Variants in FARP1 observed in about 807,000 individuals in gnomAD.
FARP1 encodes FERM, ARH/RhoGEF and pleckstrin domain protein 1, also known as FERM, ARHGEF and pleckstrin domain-containing protein 1.
A neutral mutation model predicts 128.8 loss-of-function variants in FARP1; 52 were observed. The ratio of observed to expected loss-of-function variants is 0.40; its 90% CI spans 0.32 to 0.51. The LOEUF (loss-of-function observed/expected upper bound fraction) is 0.51. Among genes scored for constraint, FARP1 ranks in the 20% least tolerant of loss-of-function variants. FARP1 has a pLI of 0.45. For synonymous variants in FARP1, 580 were observed against 551.8 expected, an observed-to-expected ratio of 1.05 and a Z score of -0.72; for missense variants, 1,333 against 1,367.9, an observed-to-expected ratio of 0.97 and a Z score of 0.40.
chr13:98,371,789 G>T (rs1889342957), intron 5 of FARP1, among the ~76,000 whole-genome samples: 1 of 152,218 alleles, frequency 6.6e-6, no homozygotes, highest in Admixed American at 6.5e-5. Flanking sequence ...AAGTGGGACA[G>T]ACGGAGAAAC....
intron 5 of FARP1, among the ~76,000 whole-genome samples, chr13:98,374,270 A>G (rs968339875): frequency 4.6e-5 from 7 of 152,162 alleles, no homozygotes; most frequent in African/African-American, 1.4e-4. Flanking sequence ...AAAAAATTTT[A>G]AAAATTAGCT....
intron 13 of FARP1, chr13:98,396,734 A>G: frequency 2.7e-6 from 1 of 364,324 alleles, no homozygotes; most frequent in Non-Finnish European, 4.9e-6. Flanking sequence ...CCTAATGACA[A>G]GTTCTCAGGA....
chr13:98,179,838 C>T (rs543622005), intron 1 of FARP1, among the ~76,000 whole-genome samples: 34 of 152,088 alleles, frequency 2.2e-4, no homozygotes, highest in African/African-American at 8.2e-4. Context: ...GCCTGGGTGA[C>T]TGAGCAAGAC....
In FARP1 at chr13:98,454,868, G is replaced by A. The variant is rs981389681; in HGVS notation, c.*6551G>A. 5 of 152,268 alleles carry A rather than the reference G, an allele frequency of 3.3e-5. No homozygotes were observed. The highest frequency in any genetic ancestry group is 1.2e-4 in the African/African-American group (5 of 41,442). 9.4% of individuals were successfully genotyped at this position (152,268 alleles called of 1,614,324 possible). ...GCTCATCTGAGGACAGAGGAGGAAAGAGGGCACTCCTCATCACAGACAAAG... is the reference window on the plus strand; with the variant it reads ...GCTCATCTGAGGACAGAGGAGGAAAAAGGGCACTCCTCATCACAGACAAAG... On this transcript the variant is annotated 3_prime_UTR_variant, in exon 27 of 27. Transcript: ENST00000319562.
chr13:98,286,984 A>T (rs1415951340), intron 2 of FARP1, among the ~76,000 whole-genome samples: 6 of 152,156 alleles, frequency 3.9e-5, no homozygotes, highest in Non-Finnish European at 7.3e-5. Flanking sequence ...CTGTTTATGT[A>T]GCATCGTACT....
chr13:98,205,691 C>A (rs1362903349), intron 1 of FARP1, among the ~76,000 whole-genome samples: 1 of 152,104 alleles, frequency 6.6e-6, no homozygotes, highest in Non-Finnish European at 1.5e-5. Context: ...CCGTGCCCAG[C>A]CAGTTCTCTG....
At chr13:98,323,154 C>T (rs584519) in intron 2 of FARP1, among the ~76,000 whole-genome samples, 40,330 of 152,050 alleles carry the variant, frequency 0.27, 5,710 homozygotes, top group Middle Eastern at 0.34. Flanking sequence ...TTGTTGCTTA[C>T]AATCCTTAAA....
At chr13:98,315,302 T>C (rs1331059156) in intron 2 of FARP1, among the ~76,000 whole-genome samples, 2 of 151,962 alleles carry the variant, frequency 1.3e-5, no homozygotes, top group Non-Finnish European at 2.9e-5. Context: ...GACAGAGATC[T>C]CACTATATTG....
intron 13 of FARP1, chr13:98,397,935 A>G (rs1890616931): frequency 1.4e-5 from 2 of 140,812 alleles, no homozygotes; most frequent in Non-Finnish European, 3.1e-5. Flanking sequence ...ATTGTAGAAT[A>G]AAATTTTTAG....
At chr13:98,424,493 G>A (rs1891705222) in intron 16 of FARP1, 79 bp from the exon 17 acceptor site, 2 of 885,336 alleles carry the variant, frequency 2.3e-6, no homozygotes, top group Non-Finnish European at 3.8e-6. Flanking sequence ...AAAGGAAGCG[G>A]TAGGCTGATA....
chr13:98,336,542 G>A (rs1196800467), intron 2 of FARP1, among the ~76,000 whole-genome samples: 1 of 152,190 alleles, frequency 6.6e-6, no homozygotes, highest in Non-Finnish European at 1.5e-5. Context: ...AAAGTGCTGG[G>A]ATTACAGGTG....
chr13:98,384,628 C>A, intron 6 of FARP1, 102 bp from the exon 7 acceptor site: 6 of 710,204 alleles, frequency 8.4e-6, no homozygotes, highest in Non-Finnish European at 1.5e-5. Context: ...ACTGGGCTCA[C>A]CTTATGTTGT....
chr13:98,266,210 C>G (rs1884107768), intron 2 of FARP1, among the ~76,000 whole-genome samples: 2 of 152,118 alleles, frequency 1.3e-5, no homozygotes, highest in Non-Finnish European at 2.9e-5. Context: ...CAATGGATTT[C>G]CAGCTCACAT....
At chr13:98,337,817 T>A (rs561898837) in intron 2 of FARP1, among the ~76,000 whole-genome samples, 1 of 152,310 alleles carries the variant, frequency 6.6e-6, no homozygotes, top group South Asian at 2.1e-4. Flanking sequence ...ATGCATAATT[T>A]GCCATTATTT....
chr13:98,158,059 T>C (rs1876615087), intron 1 of FARP1, among the ~76,000 whole-genome samples: 1 of 152,244 alleles, frequency 6.6e-6, no homozygotes, highest in South Asian at 2.1e-4. Context: ...ATTCTATGCA[T>C]GACATATATG....
At chr13:98,147,920 A>G (rs945740474) in intron 1 of FARP1, among the ~76,000 whole-genome samples, 3 of 152,182 alleles carry the variant, frequency 2.0e-5, no homozygotes, top group Admixed American at 1.3e-4. Context: ...AGTTTTTACC[A>G]TCCCTTCAAA....
At chr13:98,335,956 C>T (rs1566892165) in intron 2 of FARP1, among the ~76,000 whole-genome samples, 1 of 152,136 alleles carries the variant, frequency 6.6e-6, no homozygotes, top group Non-Finnish European at 1.5e-5. Context: ...AAACACTTCC[C>T]AAAACGGCTC....
intron 2 of FARP1, among the ~76,000 whole-genome samples, chr13:98,301,933 C>G (rs2139701967): frequency 6.6e-6 from 1 of 151,750 alleles, no homozygotes; most frequent in African/African-American, 2.4e-5. Context: ...CAAAACAGAT[C>G]ATCCTGTCTG....
chr13:98,235,030 A>G (rs879367453), intron 2 of FARP1, among the ~76,000 whole-genome samples: 1 of 152,208 alleles, frequency 6.6e-6, no homozygotes, highest in Admixed American at 6.5e-5. Flanking sequence ...ATTTCTTCCC[A>G]TATCCCTCAT....
Sources: gnomAD v4.1 joint callset for allele counts (sites outside exome capture counted in the v4.1 genomes callset) on GRCh38, gnomAD v4.1.1 for gene constraint, MANE v1.5 for transcripts, NCBI Gene and HGNC (gene_info 2026-07-23, HGNC 2026-07-21) for gene names.